The following SETD3 variants were observed in gnomAD, a reference collection of about 807,000 sequenced individuals.
The protein encoded by SETD3 is SET domain containing 3, actin N3(tau)-histidine methyltransferase.
A neutral mutation model predicts 63.0 loss-of-function variants in SETD3; 19 were observed. The observed-to-expected ratio is 0.30, with a 90% CI of 0.21 to 0.44. SETD3 has a LOEUF of 0.44. Ranked by LOEUF, SETD3 falls within the 20% of genes least tolerant of loss-of-function variation. SETD3 has a pLI of 1.00. For synonymous variants in SETD3, 286 were observed against 264.1 expected, an observed-to-expected ratio of 1.08 and a Z score of -0.80; for missense variants, 587 against 728.5, an observed-to-expected ratio of 0.81 and a Z score of 2.24.
intron 8 of SETD3, chr14:99,410,359 A>T: frequency 8.5e-7 from 1 of 1,170,868 alleles, no homozygotes; most frequent in Non-Finnish European, 1.2e-6. Flanking sequence ...AATGTTTTAG[A>T]TTTTTTTTTC....
intron 6 of SETD3, among the ~76,000 whole-genome samples, chr14:99,454,535 T>TAAAAC (rs770170836): frequency 3.9e-5 from 6 of 152,092 alleles, no homozygotes; most frequent in Admixed American, 6.5e-5. Flanking sequence ...AGAAGTGATT[T>TAAAAC]AAAACAAAAC....
intron 1 of SETD3, among the ~76,000 whole-genome samples, chr14:99,476,150 C>T (rs1202702951): frequency 6.6e-6 from 1 of 152,220 alleles, no homozygotes; most frequent in African/African-American, 2.4e-5. Context: ...GATGAGAAAG[C>T]TGACGCTTAC....
At chr14:99,401,117 C>T (rs1213750331) in intron 11 of SETD3, among the ~76,000 whole-genome samples, 6 of 147,122 alleles carry the variant, frequency 4.1e-5, no homozygotes, top group African/African-American at 1.5e-4. Flanking sequence ...CCAGCCTGGG[C>T]AACCAAGTGA....
At chr14:99,417,019 A>G (rs2139652944) in intron 6 of SETD3, among the ~76,000 whole-genome samples, 1 of 152,346 alleles carries the variant, frequency 6.6e-6, no homozygotes, top group Non-Finnish European at 1.5e-5. Flanking sequence ...CTTCAATAAA[A>G]AAGAGCAATA....
At chr14:99,467,290 A>C (rs1895441866) in intron 1 of SETD3, among the ~76,000 whole-genome samples, 2 of 152,142 alleles carry the variant, frequency 1.3e-5, no homozygotes, top group South Asian at 4.1e-4. Context: ...AATACAAGGA[A>C]TTTTTTTTCT....
chr14:99,475,046 T>C (rs564882151), intron 1 of SETD3, among the ~76,000 whole-genome samples: 1 of 152,324 alleles, frequency 6.6e-6, no homozygotes, highest in South Asian at 2.1e-4. Context: ...AAAAACCTTT[T>C]GTAAAGCAAA....
chr14:99,461,136 A>G, intron 4 of SETD3, 56 bp downstream of exon 4: 2 of 1,594,992 alleles, frequency 1.3e-6, no homozygotes, highest in Non-Finnish European at 1.7e-6. Context: ...CGCCCTCTAC[A>G]GCACACCACA....
intron 6 of SETD3, among the ~76,000 whole-genome samples, chr14:99,453,228 A>G (rs1037115765): frequency 6.6e-6 from 1 of 152,232 alleles, no homozygotes; most frequent in Non-Finnish European, 1.5e-5. Context: ...TGGTACTGAG[A>G]TGAGAAAATA....
intron 6 of SETD3, chr14:99,444,307 T>A: frequency 6.6e-6 from 1 of 152,312 alleles, no homozygotes; most frequent in Non-Finnish European, 1.5e-5. Context: ...TGAATTTCCA[T>A]GCTCGCTTAG....
rs1056686955 is a variant in SETD3, at chr14:99,470,008, C to CG, written c.-8-4196dup. Among the ~76,000 whole-genome samples, 11 of 152,298 alleles carry CG rather than the reference C, an allele frequency of 7.2e-5. No individual in the cohort carries two copies. In the East Asian group the frequency reaches 2.1e-3, roughly 29 times the overall value. On this transcript the variant is annotated intron_variant, in intron 1 of 12. Coordinates refer to ENST00000331768, the MANE Select transcript of SETD3 (RefSeq NM_032233.3). ...CGCTCACACGTCTTTCCACAGCTCA[C>CG]GGGATAATGCGTAACCTCCCTAGCA...
intron 6 of SETD3, among the ~76,000 whole-genome samples, chr14:99,431,331 G>A (rs939468207): frequency 2.6e-5 from 4 of 152,142 alleles, no homozygotes; most frequent in Non-Finnish European, 5.9e-5. Context: ...GTGGCCAAGT[G>A]ACCTGCCACC....
Position 99,406,498 on chromosome 14 carries a change from A to G in SETD3, c.924+18T>C. 1 of 1,613,268 alleles carries G rather than the reference A, an allele frequency of 6.2e-7. No homozygotes were observed. The highest frequency in any genetic ancestry group is 1.6e-4 in the Middle Eastern group (1 of 6,062). On this transcript the variant is annotated intron_variant, in intron 9 of 12. Coordinates refer to ENST00000331768, the MANE Select transcript of SETD3 (RefSeq NM_032233.3). Reference sequence around the variant, plus strand: ...CCCACTGGCTGGCTCACATTTTGTGAGATGCCACGAGACCCACCTGCTCTC... The same window carrying G: ...CCCACTGGCTGGCTCACATTTTGTGGGATGCCACGAGACCCACCTGCTCTC...
intron 6 of SETD3, among the ~76,000 whole-genome samples, chr14:99,451,521 G>T (rs1215467844): frequency 6.6e-6 from 1 of 151,982 alleles, no homozygotes; most frequent in Admixed American, 6.6e-5. Context: ...TTTGAGACAG[G>T]GTATCGCTCT....
Position 99,469,703 on chromosome 14 carries a change from G to A in SETD3, c.-8-3890C>T, listed in dbSNP as rs545040234. On this transcript the variant is annotated intron_variant, in intron 1 of 12. Transcript: ENST00000331768. ...AGAGGCTGCAATGAGCTGTGATGGCGTCACTGCACTCCAGCCTGGGTGACA... is the reference window on the plus strand; with the variant it reads ...AGAGGCTGCAATGAGCTGTGATGGCATCACTGCACTCCAGCCTGGGTGACA... Among the ~76,000 whole-genome samples the A allele has an allele frequency of 8.5e-5, 13 of 152,294 alleles. No individual in the cohort carries two copies. The East Asian group carries it at 1.3e-3, about 16-fold the overall frequency.
At chr14:99,455,204 G>A (rs948717368) in intron 6 of SETD3, among the ~76,000 whole-genome samples, 3 of 152,122 alleles carry the variant, frequency 2.0e-5, no homozygotes, top group South Asian at 2.1e-4. Context: ...AGGAATACCC[G>A]GCCCAGGGGC....
At chr14:99,414,629 A>C (rs530587860) in intron 6 of SETD3, among the ~76,000 whole-genome samples, 2 of 152,324 alleles carry the variant, frequency 1.3e-5, no homozygotes, top group East Asian at 3.9e-4. Flanking sequence ...AAAAATACTA[A>C]AACTTCACTT....
At chr14:99,413,477 G>T (rs1186790903) in intron 7 of SETD3, among the ~76,000 whole-genome samples, 1 of 152,146 alleles carries the variant, frequency 6.6e-6, no homozygotes. Context: ...AATCCTCTGT[G>T]AATTGTAAGA....
chr14:99,413,160 C>G (rs1355537009), intron 7 of SETD3, 95 bp from the exon 8 acceptor site: 2 of 667,330 alleles, frequency 3.0e-6, no homozygotes, highest in African/African-American at 3.6e-5. Flanking sequence ...TGATCTCTTA[C>G]AAACGTACAA....
At chr14:99,481,847 C>T (rs564892805), upstream of SETD3, among the ~76,000 whole-genome samples, 4 of 152,360 alleles carry the variant, frequency 2.6e-5, no homozygotes, top group African/African-American at 9.6e-5. Flanking sequence ...GATTATTTCG[C>T]GGCGTATTAG....
Sources: gnomAD v4.1 joint callset for allele counts (sites outside exome capture counted in the v4.1 genomes callset) on GRCh38, gnomAD v4.1.1 for gene constraint, MANE v1.5 for transcripts, NCBI Gene and HGNC (gene_info 2026-07-23, HGNC 2026-07-21) for gene names.